Variants in PHF14 observed in about 807,000 individuals in gnomAD.
The protein encoded by PHF14 is PHD finger protein 14.
PHF14 carries 55 observed loss-of-function variants against 117.9 expected under a neutral mutation model. That is an observed-to-expected ratio of 0.47 (90% CI 0.38 to 0.58). The LOEUF (loss-of-function observed/expected upper bound fraction) is 0.58. Among genes scored for constraint, PHF14 ranks in the 20% least tolerant of loss-of-function variants. The pLI is 0.00. For synonymous variants in PHF14, 409 were observed against 368.6 expected (o/e 1.11, Z -1.26); for missense variants, 978 against 1,122.2 (o/e 0.87, Z 1.84).
In PHF14 at chr7:11,166,038, GTGTTAC is replaced by G. The variant is rs1475358737; in HGVS notation, c.2773-3372_2773-3367del. 4.6e-5 allele frequency among the ~76,000 whole-genome samples: 7 copies of G among 152,272 alleles called. 1 individual carries two copies. Among genetic ancestry groups the G allele is most frequent in the African/African-American group, 1.7e-4 (7 of 41,558 alleles). On this transcript the variant is annotated intron_variant, in intron 17 of 17. Coordinates refer to ENST00000634607, the MANE Select transcript of PHF14 (RefSeq NM_001007157.2). The stretch of plus-strand genomic sequence containing the variant: ...CAAATTTTGTCATTTGATATTACAG[GTGTTAC>G]TGTTAATTGAGTGCACATTCTTGAA...
chr7:11,069,433 A>G (rs1189898463), intron 16 of PHF14, among the ~76,000 whole-genome samples: 3 of 152,162 alleles, frequency 2.0e-5, no homozygotes, highest in Non-Finnish European at 4.4e-5. Flanking sequence ...GTATTTGAAC[A>G]GTGTTTGCTG....
chr7:11,138,303 A>G (rs1250749611), intron 17 of PHF14, among the ~76,000 whole-genome samples: 1 of 152,054 alleles, frequency 6.6e-6, no homozygotes, highest in East Asian at 1.9e-4. Context: ...GGCCCCCCAA[A>G]GTGCTGGGAT....
Position 10,982,911 on chromosome 7 carries a change from G to A in PHF14, c.652G>A (p.Val218Ile). ...GGATGACAATGATTGGCGACCTACT[G>A]TAGTAAAGAGAAAAGGGAGATCTGC... is the stretch of plus-strand genomic sequence containing the variant. The part of the protein sequence containing the change: ...SEDDNDWRPT[V>I]VKRKGRSASQ... The change falls in exon 3 of 18, where the codon GTA becomes ATA. Residue 218 changes from valine (V) to isoleucine (I), a missense_variant. Val to Ile is a conservative substitution (Grantham distance 29). Around this residue, in one of 7 missense-constraint regions of PHF14, gnomAD observed 414 missense variants for 376.4 expected, o/e 1.10. Coordinates refer to ENST00000634607, the MANE Select transcript of PHF14 (RefSeq NM_001007157.2). 6.2e-7 allele frequency: 1 copy of A among 1,612,622 alleles called. No individual in the cohort carries two copies. Among genetic ancestry groups the A allele is most frequent in the Non-Finnish European group, 8.5e-7 (1 of 1,179,054 alleles).
intron 17 of PHF14, among the ~76,000 whole-genome samples, chr7:11,159,909 A>G (rs1393558979): frequency 1.3e-5 from 2 of 152,180 alleles, no homozygotes; most frequent in Non-Finnish European, 1.5e-5. Flanking sequence ...CAACTTAATA[A>G]AAAGGTTTTC....
At position 11,145,076 on chromosome 7, in the gene PHF14, C is replaced by T. The variant is rs368681801; in HGVS notation, c.2773-24340C>T. Among the ~76,000 whole-genome samples, 23 of 151,892 alleles carry T rather than the reference C, an allele frequency of 1.5e-4. No homozygotes were observed. In the East Asian group the frequency reaches 3.7e-3, roughly 24 times the overall value. ...ATATTTAATACCTCTGAACTGTATA[C>T]TTAAAATGGTTAAGATGGTAATTTT... On this transcript the variant is annotated intron_variant, in intron 17 of 17. Coordinates refer to ENST00000634607, the MANE Select transcript of PHF14 (RefSeq NM_001007157.2).
In PHF14 at chr7:11,035,632, T is replaced by G. The variant is rs1246497965; in HGVS notation, c.1456-8T>G. 6.4e-7 allele frequency: 1 copy of G among 1,553,584 alleles called. No homozygotes were observed. The highest frequency in any genetic ancestry group is 1.2e-5 in the South Asian group (1 of 81,346). ...TGTTCACTATTTTTCTGTGCTTTCT[T>G]TGTATAGGATATAGCAGATCCATTC... On this transcript the variant is annotated splice_region_variant and splice_polypyrimidine_tract_variant and intron_variant, in intron 7 of 17. Coordinates refer to ENST00000634607, the MANE Select transcript of PHF14 (RefSeq NM_001007157.2).
chr7:11,098,981 T>C (rs1160311439), intron 16 of PHF14, among the ~76,000 whole-genome samples: 3 of 152,206 alleles, frequency 2.0e-5, no homozygotes, highest in African/African-American at 7.2e-5. Flanking sequence ...AAGTAAATTT[T>C]GTGCTATAAT....
In PHF14 at chr7:11,012,922, A is replaced by G. The variant is rs369687744; in HGVS notation, c.1046-825A>G. Among the ~76,000 whole-genome samples, 20 of 152,294 alleles carry G rather than the reference A, an allele frequency of 1.3e-4. 1 individual carries two copies. The East Asian group carries it at 2.5e-3, about 19-fold the overall frequency. On this transcript the variant is annotated intron_variant, in intron 4 of 17. Coordinates refer to ENST00000634607, the MANE Select transcript of PHF14 (RefSeq NM_001007157.2). ...CTAATGTTACTACTCTGAACTTTTC[A>G]AACTGTTCTATAGCTTTAGGTGCAT... is the stretch of plus-strand genomic sequence containing the variant.
intron 17 of PHF14, among the ~76,000 whole-genome samples, chr7:11,129,649 G>C (rs1388498399): frequency 1.3e-5 from 2 of 148,272 alleles, no homozygotes; most frequent in Non-Finnish European, 3.0e-5. Flanking sequence ...CAATATATTA[G>C]CAATAGGAGT....
intron 5 of PHF14, among the ~76,000 whole-genome samples, chr7:11,019,346 A>C (rs1301122492): frequency 6.6e-6 from 1 of 152,188 alleles, no homozygotes; most frequent in African/African-American, 2.4e-5. Context: ...AAAATTCAGC[A>C]GCGAAGCCAT....
At chr7:11,041,265 A>G (rs1267783229) in intron 12 of PHF14, among the ~76,000 whole-genome samples, 1 of 151,794 alleles carries the variant, frequency 6.6e-6, no homozygotes, top group Non-Finnish European at 1.5e-5. Flanking sequence ...TCGCATAAGT[A>G]TTTTTGTTTT....
intron 4 of PHF14, among the ~76,000 whole-genome samples, chr7:10,997,892 C>G (rs1178607852): frequency 1.3e-5 from 2 of 152,178 alleles, no homozygotes; most frequent in African/African-American, 2.4e-5. Context: ...CTGCCATATT[C>G]CGCTGTTCAC....
At chr7:11,043,043 C>T (rs1242243508) in intron 13 of PHF14, among the ~76,000 whole-genome samples, 1 of 151,942 alleles carries the variant, frequency 6.6e-6, no homozygotes, top group Non-Finnish European at 1.5e-5. Context: ...TTCTTTAAGG[C>T]ATGAATTCTG....
chr7:11,049,750 A>G (rs1016828606), intron 13 of PHF14, among the ~76,000 whole-genome samples: 1 of 152,138 alleles, frequency 6.6e-6, no homozygotes, highest in African/African-American at 2.4e-5. Flanking sequence ...CAATTCTGAG[A>G]TTCTGTAAGG....
chr7:11,092,387 T>C (rs939804369), intron 16 of PHF14, among the ~76,000 whole-genome samples: 5 of 152,204 alleles, frequency 3.3e-5, no homozygotes, highest in African/African-American at 1.2e-4. Flanking sequence ...GTGATACAGA[T>C]ATTACTGGTC....
intron 14 of PHF14, among the ~76,000 whole-genome samples, chr7:11,053,653 T>C (rs1784920187): frequency 6.6e-6 from 1 of 152,086 alleles, no homozygotes; most frequent in Non-Finnish European, 1.5e-5. Context: ...ACTAGTATTA[T>C]CATCCTTAAC....
intron 16 of PHF14, among the ~76,000 whole-genome samples, chr7:11,068,626 A>C (rs1562449301): frequency 6.6e-6 from 1 of 152,184 alleles, no homozygotes; most frequent in African/African-American, 2.4e-5. Flanking sequence ...GTTGCACAAC[A>C]GTGTGAATGT....
At chr7:11,163,638 G>A (rs900601832) in intron 17 of PHF14, among the ~76,000 whole-genome samples, 25 of 152,132 alleles carry the variant, frequency 1.6e-4, no homozygotes, top group African/African-American at 5.5e-4. Context: ...ATTGTAAAAC[G>A]TTAAAAACTC....
intron 16 of PHF14, among the ~76,000 whole-genome samples, chr7:11,076,487 T>C (rs991902685): frequency 6.6e-6 from 1 of 152,078 alleles, no homozygotes; most frequent in African/African-American, 2.4e-5. Flanking sequence ...TTTTATATTT[T>C]ATTTTGAATG....
Sources: gnomAD v4.1 joint callset for allele counts (sites outside exome capture counted in the v4.1 genomes callset) on GRCh38, gnomAD v4.1.1 for gene constraint, gnomAD v4.1.1 regional missense constraint, MANE v1.5 for transcripts, NCBI Gene and HGNC (gene_info 2026-07-23, HGNC 2026-07-21) for gene names.